Variants in KLHL7 observed in about 807,000 individuals in gnomAD.
The protein encoded by KLHL7 is kelch like family member 7, also known as kelch-like protein 7.
KLHL7 carries 44 observed loss-of-function variants against 67.4 expected under a neutral mutation model. The ratio of observed to expected loss-of-function variants is 0.65; its 90% CI spans 0.51 to 0.84. The LOEUF is 0.84. Among genes scored for constraint, KLHL7 ranks in the 40% least tolerant of loss-of-function variants. KLHL7 has a pLI of 0.00. For missense variants in KLHL7, 362 were observed against 718.1 expected, an observed-to-expected ratio of 0.50 and a Z score of 5.67; for synonymous variants, 252 against 243.3, an observed-to-expected ratio of 1.04 and a Z score of -0.33.
At chr7:23,153,931 C>G (rs1276792915) in intron 7 of KLHL7, among the ~76,000 whole-genome samples, 1 of 152,202 alleles carries the variant, frequency 6.6e-6, no homozygotes, top group Non-Finnish European at 1.5e-5. Flanking sequence ...ATCAGGGCTC[C>G]ACAGACTTTT....
intron 7 of KLHL7, among the ~76,000 whole-genome samples, chr7:23,156,757 T>C (rs1784718555): frequency 6.6e-6 from 1 of 152,214 alleles, no homozygotes; most frequent in East Asian, 1.9e-4. Flanking sequence ...AGGTTTACCC[T>C]GGGTGCATTT....
intron 4 of KLHL7, among the ~76,000 whole-genome samples, chr7:23,134,703 T>A (rs1463141669): frequency 6.6e-6 from 1 of 152,170 alleles, no homozygotes; most frequent in African/African-American, 2.4e-5. Context: ...ATCTAGAAAT[T>A]TGCTCATTCT....
intron 1 of KLHL7, among the ~76,000 whole-genome samples, chr7:23,118,823 A>G (rs1243098951): frequency 6.6e-6 from 1 of 151,956 alleles, no homozygotes; most frequent in Non-Finnish European, 1.5e-5. Context: ...TGTAATCCCT[A>G]TACTTTGAGA....
At chr7:23,146,490 T>G (rs1008086288) in intron 6 of KLHL7, among the ~76,000 whole-genome samples, 6 of 152,220 alleles carry the variant, frequency 3.9e-5, no homozygotes, top group African/African-American at 1.4e-4. Flanking sequence ...AAAAGGATCT[T>G]AAAATGGCCA....
rs1785048731 is a variant in KLHL7 at position 23,167,872 on chromosome 7, C to T, written c.1214C>T (p.Thr405Met). 2.5e-6 allele frequency: 4 copies of T among 1,614,116 alleles called. No individual in the cohort carries two copies. The highest frequency in any genetic ancestry group is 3.4e-6 in the Non-Finnish European group (4 of 1,180,026). ...SALYLFECYD[T>M]RTESWHTKPS... Reference sequence around the variant, plus strand: ...CTGTATTTATTTGAGTGCTATGATACGAGAACTGAAAGCTGGCACACAAAG... The same window carrying T: ...CTGTATTTATTTGAGTGCTATGATATGAGAACTGAAAGCTGGCACACAAAG... The change falls in exon 9 of 11, where the codon ACG (threonine) becomes ATG (methionine). Residue 405 changes from threonine to methionine, a missense_variant. Physicochemically the swap from Thr to Met is moderately conservative, Grantham distance 81. This residue lies in a region of KLHL7 where 136 missense variants were observed against 252.7 expected (regional missense o/e 0.54). Coordinates refer to ENST00000339077, the MANE Select transcript of KLHL7 (RefSeq NM_001031710.3).
chr7:23,106,604 C>A (rs969847588), intron 1 of KLHL7: 5 of 1,040,264 alleles, frequency 4.8e-6, no homozygotes, highest in Non-Finnish European at 5.8e-6. Flanking sequence ...TCCCCGCCCC[C>A]TCCTGTGTTC....
intron 10 of KLHL7, 142 bp from the exon 11 acceptor site, chr7:23,173,873 A>G (rs941598784): frequency 5.4e-5 from 42 of 772,736 alleles, no homozygotes; most frequent in Non-Finnish European, 7.8e-5. Flanking sequence ...GTGGACATTC[A>G]CTGTAAAATT....
chr7:23,141,609 A>ATTC (rs1784183992), intron 5 of KLHL7, among the ~76,000 whole-genome samples: 3 of 152,106 alleles, frequency 2.0e-5, no homozygotes, highest in African/African-American at 7.2e-5. Context: ...CACTTTATTT[A>ATTC]ATTCATTCAT....
In KLHL7 at chr7:23,176,017, C is replaced by T. The variant is rs858256; in HGVS notation, c.*1719C>T. On this transcript the variant is annotated 3_prime_UTR_variant, in exon 11 of 11. Transcript: ENST00000339077. ...GGTTTTTAATATATCCACAGAGTTA[C>T]GCAACCATCACCACAATTTTAGAAC... is the stretch of plus-strand genomic sequence containing the variant. 11,096 of 148,790 alleles carry T rather than the reference C, an allele frequency of 0.075. 597 individuals are homozygous for T. The highest frequency in any genetic ancestry group is 0.14 in the African/African-American group (5,717 of 39,912). The allele number at this position is 148,790 out of a possible 1,614,324, so 9.2% of individuals were successfully genotyped here.
chr7:23,106,819 T>G, intron 1 of KLHL7: 1 of 985,226 alleles, frequency 1.0e-6, no homozygotes, highest in Non-Finnish European at 1.2e-6. Context: ...GAACGGATTT[T>G]AACGCTGGCG....
At chr7:23,122,880 A>G (rs1783409059) in intron 1 of KLHL7, among the ~76,000 whole-genome samples, 1 of 152,228 alleles carries the variant, frequency 6.6e-6, no homozygotes, top group African/African-American at 2.4e-5. Flanking sequence ...TATTTGCCTC[A>G]TATTCCCAGT....
chr7:23,162,352 TATCTC>T (rs781145300), intron 7 of KLHL7, among the ~76,000 whole-genome samples: 15 of 152,218 alleles, frequency 9.9e-5, no homozygotes, highest in African/African-American at 2.2e-4. Context: ...TGTTTTAAAA[TATCTC>T]AGCATAGTTC....
intron 4 of KLHL7, among the ~76,000 whole-genome samples, chr7:23,137,489 T>C (rs1022549398): frequency 3.6e-4 from 55 of 151,874 alleles, no homozygotes; most frequent in African/African-American, 1.3e-3. Context: ...ACTGTCTTTT[T>C]TTTTTTTTTG....
chr7:23,152,959 T>C (rs1341856180), intron 7 of KLHL7, among the ~76,000 whole-genome samples: 1 of 152,190 alleles, frequency 6.6e-6, no homozygotes, highest in Non-Finnish European at 1.5e-5. Context: ...TATCCATAAG[T>C]GGTGCTGAAT....
chr7:23,117,982 C>T (rs1783166930), intron 1 of KLHL7: 1 of 1,613,764 alleles, frequency 6.2e-7, no homozygotes. Context: ...ATTCCTCAGT[C>T]TTCTCTTTGG....
At chr7:23,115,194 G>A (rs1368485130) in intron 1 of KLHL7, among the ~76,000 whole-genome samples, 3 of 152,124 alleles carry the variant, frequency 2.0e-5, no homozygotes, top group Non-Finnish European at 4.4e-5. Context: ...CACACTTTCC[G>A]GTATGTTAGA....
At chr7:23,168,711 A>G (rs576144987) in intron 9 of KLHL7, among the ~76,000 whole-genome samples, 1 of 152,322 alleles carries the variant, frequency 6.6e-6, no homozygotes, top group East Asian at 1.9e-4. Flanking sequence ...TGATGAGGAC[A>G]TAAAACAGAT....
chr7:23,121,530 G>A (rs1302687600), intron 1 of KLHL7, among the ~76,000 whole-genome samples: 1 of 151,148 alleles, frequency 6.6e-6, no homozygotes, highest in Non-Finnish European at 1.5e-5. Flanking sequence ...GAATTCCTAG[G>A]CTCAAGCAAT....
chr7:23,133,609 T>G (rs1783875985), intron 4 of KLHL7, among the ~76,000 whole-genome samples: 1 of 152,088 alleles, frequency 6.6e-6, no homozygotes, highest in Non-Finnish European at 1.5e-5. Flanking sequence ...TTTTTTTGTA[T>G]TTTTAGTAGA....
Sources: allele counts gnomAD v4.1 joint callset (sites outside exome capture counted in the v4.1 genomes callset), GRCh38; gene constraint gnomAD v4.1.1; regional missense constraint gnomAD v4.1.1; transcripts MANE v1.5; gene names NCBI Gene and HGNC (gene_info 2026-07-23, HGNC 2026-07-21).